ANKS1B: variants seen among roughly 807,000 people sequenced by gnomAD.
ANKS1B encodes ankyrin repeat and sterile alpha motif domain-containing protein 1B.
Under a neutral mutation model 148.3 loss-of-function variants are expected in ANKS1B, and 36 were observed. The ratio of observed to expected loss-of-function variants is 0.24; its 90% CI spans 0.19 to 0.32. The LOEUF (loss-of-function observed/expected upper bound fraction) is 0.32. Ranked by LOEUF, ANKS1B falls within the 10% of genes least tolerant of loss-of-function variation. The pLI, the probability that ANKS1B is intolerant of heterozygous loss-of-function variation, is 1.00. For synonymous variants in ANKS1B, 542 were observed against 560.8 expected, an observed-to-expected ratio of 0.97 and a Z score of 0.47; for missense variants, 1,157 against 1,542.6, an observed-to-expected ratio of 0.75 and a Z score of 4.19.
At chr12:99,242,730 A>G (rs2089579476) in intron 14 of ANKS1B, among the ~76,000 whole-genome samples, 1 of 152,240 alleles carries the variant, frequency 6.6e-6, no homozygotes, top group Non-Finnish European at 1.5e-5. Context: ...GGCCTCAGAT[A>G]TAACAACACA....
chr12:99,356,121 A>G (rs1041990117), intron 12 of ANKS1B, among the ~76,000 whole-genome samples: 1 of 152,094 alleles, frequency 6.6e-6, no homozygotes, highest in Non-Finnish European at 1.5e-5. Context: ...TAACAGATAT[A>G]AGGAACAGCC....
chr12:99,812,433 G>T, intron 2 of ANKS1B, 122 bp from the exon 3 acceptor site: 1 of 1,080,838 alleles, frequency 9.3e-7, no homozygotes, highest in African/African-American at 1.6e-5. Context: ...AAGGTACTAA[G>T]ATATAAAGTT....
chr12:99,766,492 T>C (rs368034483), intron 8 of ANKS1B, among the ~76,000 whole-genome samples: 1 of 152,142 alleles, frequency 6.6e-6, no homozygotes, highest in African/African-American at 2.4e-5. Context: ...TGATTCTGGA[T>C]TTTTCCATTA....
intron 1 of ANKS1B, among the ~76,000 whole-genome samples, chr12:99,955,185 C>G (rs2095298152): frequency 6.6e-6 from 1 of 152,096 alleles, no homozygotes; most frequent in Non-Finnish European, 1.5e-5. Context: ...CACGGTCTGG[C>G]CTCTAACATA....
chr12:98,764,223 T>C (rs1230468950), intron 25 of ANKS1B, among the ~76,000 whole-genome samples: 1 of 152,170 alleles, frequency 6.6e-6, no homozygotes, highest in Non-Finnish European at 1.5e-5. Flanking sequence ...AGGGAACTCT[T>C]CACTAACTTT....
In ANKS1B at chr12:99,429,987, A is replaced by G. The variant is rs962575841; in HGVS notation, c.1575+13686T>C. ...TCAAAAAAAATAAAAAATAAAAATA[A>G]AAAATAACACACCAGTGCTAATGAG... On this transcript the variant is annotated intron_variant, in intron 11 of 26. Coordinates refer to ENST00000683438, the MANE Select transcript of ANKS1B (RefSeq NM_001352186.2). 7.5e-4 allele frequency among the ~76,000 whole-genome samples: 114 copies of G among 151,964 alleles called. 2 individuals are homozygous for G. Among genetic ancestry groups the G allele is most frequent in the African/African-American group, 2.7e-3 (114 of 41,478 alleles).
chr12:99,453,355 A>T (rs1247253365), intron 10 of ANKS1B, among the ~76,000 whole-genome samples: 1 of 152,108 alleles, frequency 6.6e-6, no homozygotes, highest in Non-Finnish European at 1.5e-5. Context: ...TAGGTTATAA[A>T]AAAAGACTGT....
chr12:99,946,454 G>T (rs1004859239), intron 1 of ANKS1B, among the ~76,000 whole-genome samples: 1 of 152,254 alleles, frequency 6.6e-6, no homozygotes, highest in Non-Finnish European at 1.5e-5. Context: ...AAGAGAGAAA[G>T]AGAGCAAGCT....
At chr12:99,678,877 G>T (rs1690423692) in intron 8 of ANKS1B, among the ~76,000 whole-genome samples, 1 of 151,990 alleles carries the variant, frequency 6.6e-6, no homozygotes, top group Admixed American at 6.6e-5. Flanking sequence ...AGAAAACTTA[G>T]ATGATCAACA....
At chr12:99,071,934 C>T (rs1479901860) in intron 16 of ANKS1B, among the ~76,000 whole-genome samples, 2 of 152,158 alleles carry the variant, frequency 1.3e-5, no homozygotes, top group Non-Finnish European at 2.9e-5. Flanking sequence ...TATGAGCCAC[C>T]GTGCTCTGCC....
chr12:98,869,220 C>G (rs2099640829), intron 17 of ANKS1B, among the ~76,000 whole-genome samples: 1 of 152,202 alleles, frequency 6.6e-6, no homozygotes, highest in Admixed American at 6.5e-5. Context: ...GTTCCTTCCA[C>G]AGTGCTTGAT....
At chr12:99,450,380 G>A (rs1206011214) in intron 10 of ANKS1B, among the ~76,000 whole-genome samples, 1 of 152,148 alleles carries the variant, frequency 6.6e-6, no homozygotes, top group Admixed American at 6.6e-5. Context: ...AAATGTGTGG[G>A]CATCTCACGG....
chr12:98,915,667 C>T (rs1394418577), intron 17 of ANKS1B, among the ~76,000 whole-genome samples: 1 of 152,142 alleles, frequency 6.6e-6, no homozygotes, highest in Non-Finnish European at 1.5e-5. Context: ...CAATACATTT[C>T]TATTGTTTGG....
intron 12 of ANKS1B, among the ~76,000 whole-genome samples, chr12:99,321,507 G>A (rs1228374717): frequency 1.3e-5 from 2 of 152,230 alleles, no homozygotes; most frequent in Non-Finnish European, 2.9e-5. Context: ...TCCGAGCCAA[G>A]TGCCGGATAT....
chr12:99,660,804 A>C (rs1249145494), intron 8 of ANKS1B, among the ~76,000 whole-genome samples: 3 of 152,106 alleles, frequency 2.0e-5, no homozygotes, highest in Non-Finnish European at 2.9e-5. Context: ...TAAAGTTCAA[A>C]ATTCTTAATA....
chr12:99,717,677 C>T (rs1470181304), intron 8 of ANKS1B, among the ~76,000 whole-genome samples: 5 of 152,172 alleles, frequency 3.3e-5, no homozygotes, highest in South Asian at 2.1e-4. Flanking sequence ...ACTGCCCGAT[C>T]GCCTTGGAAG....
At chr12:99,732,369 C>G (rs1398611172) in intron 8 of ANKS1B, among the ~76,000 whole-genome samples, 1 of 152,000 alleles carries the variant, frequency 6.6e-6, no homozygotes, top group Non-Finnish European at 1.5e-5. Context: ...TTAATTACAG[C>G]CAAAATCTGG....
At chr12:98,847,955 G>C (rs1567121147) in intron 17 of ANKS1B, among the ~76,000 whole-genome samples, 1 of 152,118 alleles carries the variant, frequency 6.6e-6, no homozygotes, top group Non-Finnish European at 1.5e-5. Context: ...AGAATCATAT[G>C]GTGGGTCAAT....
At chr12:99,872,288 G>A (rs2091610673) in intron 1 of ANKS1B, among the ~76,000 whole-genome samples, 1 of 151,956 alleles carries the variant, frequency 6.6e-6, no homozygotes. Context: ...GAAGCATGAG[G>A]GTGTTTCTTA....
Sources: gnomAD v4.1 joint callset for allele counts (sites outside exome capture counted in the v4.1 genomes callset) on GRCh38, gnomAD v4.1.1 for gene constraint, MANE v1.5 for transcripts, NCBI Gene and HGNC (gene_info 2026-07-23, HGNC 2026-07-21) for gene names.